SPOCK3: variants seen among roughly 807,000 people sequenced by gnomAD.
The protein encoded by SPOCK3 is SPARC (osteonectin), cwcv and kazal like domains proteoglycan 3, also known as testican-3.
In SPOCK3, 30 loss-of-function variants were observed where a neutral mutation model predicts 56.6. The observed-to-expected ratio is 0.53, with a 90% CI of 0.40 to 0.72. SPOCK3 has a LOEUF of 0.72. Among genes scored for constraint, SPOCK3 ranks in the 30% least tolerant of loss-of-function variants. The pLI is 0.00. For synonymous variants in SPOCK3, 196 were observed against 183.3 expected, an observed-to-expected ratio of 1.07 and a Z score of -0.56; for missense variants, 527 against 530.0, an observed-to-expected ratio of 0.99 and a Z score of 0.06.
intron 3 of SPOCK3, among the ~76,000 whole-genome samples, chr4:167,034,388 C>T (rs188991234): frequency 2.1e-4 from 32 of 151,576 alleles, no homozygotes; most frequent in African/African-American, 7.7e-4. Flanking sequence ...AGAGACTCAA[C>T]TGATACAAGG....
intron 4 of SPOCK3, among the ~76,000 whole-genome samples, chr4:166,974,468 T>C (rs1374941844): frequency 2.6e-5 from 4 of 152,182 alleles, no homozygotes; most frequent in African/African-American, 7.2e-5. Context: ...CTAATCATTA[T>C]AATGTTTACA....
intron 6 of SPOCK3, among the ~76,000 whole-genome samples, chr4:166,838,157 T>C (rs1329411327): frequency 6.6e-6 from 1 of 152,206 alleles, no homozygotes; most frequent in Non-Finnish European, 1.5e-5. Context: ...GTGGATTTCT[T>C]TAGCTTTATC....
chr4:166,902,983 T>C (rs1245745040), intron 5 of SPOCK3, among the ~76,000 whole-genome samples: 2 of 150,530 alleles, frequency 1.3e-5, no homozygotes, highest in Non-Finnish European at 3.0e-5. Flanking sequence ...AAAATACAAA[T>C]CTTGTCTTGT....
chr4:166,951,517 G>T (rs1742621463), intron 4 of SPOCK3, among the ~76,000 whole-genome samples: 1 of 141,130 alleles, frequency 7.1e-6, no homozygotes, highest in South Asian at 2.2e-4. Flanking sequence ...AGAGGAACTG[G>T]TACCATTCCT....
intron 6 of SPOCK3, among the ~76,000 whole-genome samples, chr4:166,799,349 C>T (rs1742300784): frequency 6.6e-6 from 1 of 152,224 alleles, no homozygotes; most frequent in South Asian, 2.1e-4. Context: ...AGGATTTTTT[C>T]TTCCAAACAT....
At chr4:167,111,761 A>C (rs1002180761) in intron 2 of SPOCK3, among the ~76,000 whole-genome samples, 27 of 142,556 alleles carry the variant, frequency 1.9e-4, no homozygotes, top group African/African-American at 5.7e-4. Context: ...TAAAAGTAGC[A>C]CTTTTTTTTT....
chr4:166,919,778 A>C (rs914467544), intron 4 of SPOCK3, among the ~76,000 whole-genome samples: 2 of 152,224 alleles, frequency 1.3e-5, no homozygotes, highest in African/African-American at 4.8e-5. Flanking sequence ...CAGATTAAGA[A>C]TTTATAATCT....
At chr4:167,185,024 C>A (rs1287347220) in intron 2 of SPOCK3, among the ~76,000 whole-genome samples, 1 of 152,106 alleles carries the variant, frequency 6.6e-6, no homozygotes, top group Non-Finnish European at 1.5e-5. Flanking sequence ...CTTTTATCTG[C>A]CTTGTATGAA....
At chr4:166,749,100 C>G (rs887678996) in intron 8 of SPOCK3, among the ~76,000 whole-genome samples, 1 of 137,028 alleles carries the variant, frequency 7.3e-6, no homozygotes, top group East Asian at 2.0e-4. Flanking sequence ...AGACATAGAA[C>G]TAGAAATACC....
At chr4:167,166,722 T>C (rs148842691) in intron 2 of SPOCK3, among the ~76,000 whole-genome samples, 1 of 152,216 alleles carries the variant, frequency 6.6e-6, no homozygotes, top group South Asian at 2.1e-4. Context: ...AGCGGGAGAA[T>C]AGCACTTTAC....
At chr4:167,119,317 G>A (rs990907628) in intron 2 of SPOCK3, among the ~76,000 whole-genome samples, 1 of 152,056 alleles carries the variant, frequency 6.6e-6, no homozygotes, top group Admixed American at 6.6e-5. Flanking sequence ...TGATCAGAGA[G>A]TAATCATATA....
intron 3 of SPOCK3, among the ~76,000 whole-genome samples, chr4:167,028,980 G>C (rs549993128): frequency 1.3e-5 from 2 of 151,910 alleles, no homozygotes; most frequent in Non-Finnish European, 2.9e-5. Context: ...TGTTATATAG[G>C]TAAACGAGTG....
intron 2 of SPOCK3, among the ~76,000 whole-genome samples, chr4:167,150,866 A>G (rs1326365585): frequency 6.6e-6 from 1 of 152,232 alleles, no homozygotes; most frequent in Non-Finnish European, 1.5e-5. Flanking sequence ...AACACAATCA[A>G]GTAATCCAGA....
intron 4 of SPOCK3, among the ~76,000 whole-genome samples, chr4:166,915,504 T>C (rs1425744797): frequency 6.6e-6 from 1 of 152,204 alleles, no homozygotes; most frequent in Non-Finnish European, 1.5e-5. Flanking sequence ...ATATATAATA[T>C]GTAAACATAT....
intron 6 of SPOCK3, among the ~76,000 whole-genome samples, chr4:166,870,997 C>T (rs1034873253): frequency 2.6e-5 from 4 of 151,952 alleles, no homozygotes; most frequent in Non-Finnish European, 5.9e-5. Context: ...CCTTGCTTCC[C>T]CTTTGCCTTC....
intron 6 of SPOCK3, among the ~76,000 whole-genome samples, chr4:166,828,914 G>A (rs988618165): frequency 4.6e-5 from 7 of 151,964 alleles, no homozygotes; most frequent in African/African-American, 9.7e-5. Context: ...AATGTGCTGA[G>A]ATGTAATATT....
At chr4:166,879,644 G>T (rs1018970453) in intron 6 of SPOCK3, among the ~76,000 whole-genome samples, 1 of 152,224 alleles carries the variant, frequency 6.6e-6, no homozygotes, top group South Asian at 2.1e-4. Context: ...CATTTGTACT[G>T]TGTTCTTTGA....
At chr4:167,136,581 G>T (rs954936409) in intron 2 of SPOCK3, among the ~76,000 whole-genome samples, 17 of 152,046 alleles carry the variant, frequency 1.1e-4, no homozygotes, top group Admixed American at 7.9e-4. Context: ...TCAAAATATT[G>T]TCAAATGATT....
At chr4:167,002,841 T>C (rs1461940961) in intron 3 of SPOCK3, among the ~76,000 whole-genome samples, 1 of 152,186 alleles carries the variant, frequency 6.6e-6, no homozygotes, top group Admixed American at 6.5e-5. Context: ...GTTTAGCCTA[T>C]GTTGATGTCT....
Sources: allele counts gnomAD v4.1 joint callset (sites outside exome capture counted in the v4.1 genomes callset), GRCh38; gene constraint gnomAD v4.1.1; transcripts MANE v1.5; gene names NCBI Gene and HGNC (gene_info 2026-07-23, HGNC 2026-07-21).